Variants in KIAA1671 observed in about 807,000 individuals in gnomAD.
KIAA1671 encodes uncharacterized protein KIAA1671.
A neutral mutation model predicts 131.2 loss-of-function variants in KIAA1671; 52 were observed. The observed-to-expected ratio is 0.40, with a 90% CI of 0.32 to 0.50. The LOEUF is 0.50. Among genes scored for constraint, KIAA1671 ranks in the 20% least tolerant of loss-of-function variants. The probability of loss-of-function intolerance (pLI) is 0.73; values close to 1 mark genes in which losing one functional copy is unlikely to be tolerated. For missense variants in KIAA1671, 2,360 were observed against 2,364.2 expected (o/e 1.00, Z 0.04); for synonymous variants, 1,003 against 961.6 (o/e 1.04, Z -0.80).
At chr22:24,988,937 G>C (rs1923694520) in intron 1 of KIAA1671, among the ~76,000 whole-genome samples, 1 of 152,112 alleles carries the variant, frequency 6.6e-6, no homozygotes, top group Non-Finnish European at 1.5e-5. Context: ...GAGGAGCACT[G>C]ACTTGTCCAA....
chr22:25,181,729 A>T lies in KIAA1671; in HGVS notation c.5105A>T (p.Asp1702Val), dbSNP rs1310161373. The T allele has an allele frequency of 8.4e-6, 13 of 1,551,510 alleles. No homozygotes were observed. Among genetic ancestry groups the T allele is most frequent in the Non-Finnish European group, 1.1e-5 (13 of 1,146,978 alleles). Residue 1702 changes from aspartate (D) to valine (V), a missense_variant, in exon 10 of 13, where the codon GAT becomes GTT. Transcript: ENST00000358431. ...AAATCACCCAGGAAGGAGGAGTCGG[A>T]TGAGGAGGAGACGGCATCCAAAGCT... ...EEKSPRKEESDEEETASKAER... is the reference protein window; with the variant it reads ...EEKSPRKEESVEEETASKAER...
At chr22:25,106,095 G>C (rs1158948368) in intron 6 of KIAA1671, among the ~76,000 whole-genome samples, 1 of 152,160 alleles carries the variant, frequency 6.6e-6, no homozygotes, top group East Asian at 1.9e-4. Context: ...ACTGACATGA[G>C]GATTCTGGTG....
intron 6 of KIAA1671, among the ~76,000 whole-genome samples, chr22:25,085,614 C>T (rs758338839): frequency 6.6e-6 from 1 of 151,440 alleles, no homozygotes; most frequent in Non-Finnish European, 1.5e-5. Flanking sequence ...ATGGCCCTGA[C>T]AGGAACCAAA....
At chr22:25,036,221 C>T (rs1197157337) in intron 4 of KIAA1671, among the ~76,000 whole-genome samples, 1 of 152,048 alleles carries the variant, frequency 6.6e-6, no homozygotes, top group East Asian at 1.9e-4. Flanking sequence ...GCTGGGATTA[C>T]AGGCATGCGC....
intron 6 of KIAA1671, among the ~76,000 whole-genome samples, chr22:25,140,986 C>A (rs947076176): frequency 4.8e-4 from 73 of 152,124 alleles, no homozygotes; most frequent in African/African-American, 1.7e-3. Context: ...TGTGGAACTT[C>A]CTACAAGGCC....
chr22:25,106,589 C>T (rs775458272), intron 6 of KIAA1671, among the ~76,000 whole-genome samples: 7 of 152,148 alleles, frequency 4.6e-5, no homozygotes, highest in Non-Finnish European at 7.4e-5. Flanking sequence ...AACCCTTAAT[C>T]ATGATGCTAT....
At chr22:25,139,869 C>T (rs770170731) in intron 6 of KIAA1671, among the ~76,000 whole-genome samples, 1 of 152,118 alleles carries the variant, frequency 6.6e-6, no homozygotes, top group Admixed American at 6.5e-5. Flanking sequence ...AGTGTGAAGG[C>T]CTAAGGACGG....
At chr22:24,966,124 C>A in intron 1 of KIAA1671, among the ~76,000 whole-genome samples, 1 of 152,196 alleles carries the variant, frequency 6.6e-6, no homozygotes, top group East Asian at 1.9e-4. Context: ...CAGTGTAATA[C>A]CCCTGCCTGT....
chr22:25,026,166 G>C (rs1211732676), intron 2 of KIAA1671, among the ~76,000 whole-genome samples: 1 of 152,214 alleles, frequency 6.6e-6, no homozygotes, highest in Non-Finnish European at 1.5e-5. Flanking sequence ...GTAAGGAAGA[G>C]AAAATATCAA....
At chr22:25,163,276 C>T (rs1055820378) in intron 6 of KIAA1671, among the ~76,000 whole-genome samples, 7 of 143,876 alleles carry the variant, frequency 4.9e-5, no homozygotes, top group Admixed American at 1.4e-4. Flanking sequence ...TGCAGTGAGC[C>T]GTTGACAGTG....
intron 6 of KIAA1671, chr22:25,054,520 G>C (rs1291437877): frequency 4.7e-5 from 7 of 149,370 alleles, no homozygotes; most frequent in Admixed American, 4.6e-4. Context: ...TCGTTTGCCA[G>C]TTTATTACAA....
At chr22:25,135,397 A>G (rs548981847) in intron 6 of KIAA1671, among the ~76,000 whole-genome samples, 1 of 152,300 alleles carries the variant, frequency 6.6e-6, no homozygotes, top group African/African-American at 2.4e-5. Context: ...TGTGTTAGCC[A>G]GGATGGTCTC....
chr22:25,018,781 A>G (rs1235817284), intron 1 of KIAA1671, among the ~76,000 whole-genome samples: 1 of 152,202 alleles, frequency 6.6e-6, no homozygotes, highest in Non-Finnish European at 1.5e-5. Flanking sequence ...GTATAAGGAT[A>G]GATTATATTT....
intron 1 of KIAA1671, chr22:25,024,699 TAACTC>T (rs1228671804): frequency 6.6e-6 from 1 of 152,206 alleles, no homozygotes; most frequent in Non-Finnish European, 1.5e-5. Context: ...ATTTACTTAT[TAACTC>T]AGCAATGATT....
intron 6 of KIAA1671, among the ~76,000 whole-genome samples, chr22:25,167,341 A>G (rs1348583723): frequency 6.6e-6 from 1 of 152,176 alleles, no homozygotes; most frequent in Non-Finnish European, 1.5e-5. Context: ...AATTTCTCTT[A>G]CGGGAATAAT....
intron 1 of KIAA1671, among the ~76,000 whole-genome samples, chr22:24,976,158 C>T (rs111518311): frequency 0.017 from 2,631 of 152,294 alleles, 48 homozygotes; most frequent in South Asian, 0.073. Context: ...AACACTGAGC[C>T]GGGCACATCC....
chr22:25,098,388 A>G (rs950692582), intron 6 of KIAA1671, among the ~76,000 whole-genome samples: 4 of 152,142 alleles, frequency 2.6e-5, no homozygotes, highest in Non-Finnish European at 4.4e-5. Context: ...TGCCAGGGAC[A>G]GGGGGCAATA....
intron 6 of KIAA1671, among the ~76,000 whole-genome samples, chr22:25,077,225 T>G (rs1929159821): frequency 6.6e-6 from 1 of 152,198 alleles, no homozygotes; most frequent in African/African-American, 2.4e-5. Context: ...CTCTACTGGG[T>G]GTGTGGCTTT....
intron 1 of KIAA1671, among the ~76,000 whole-genome samples, chr22:24,972,904 G>T (rs565891533): frequency 2.0e-5 from 3 of 152,192 alleles, no homozygotes; most frequent in Non-Finnish European, 4.4e-5. Flanking sequence ...GTGGAAGACG[G>T]TGTCTGCTTT....
Sources: gnomAD v4.1 joint callset for allele counts (sites outside exome capture counted in the v4.1 genomes callset) on GRCh38, gnomAD v4.1.1 for gene constraint, MANE v1.5 for transcripts, NCBI Gene and HGNC (gene_info 2026-07-23, HGNC 2026-07-21) for gene names.